Variants in TTC7A observed in about 807,000 individuals in gnomAD.
TTC7A encodes the protein tetratricopeptide repeat protein 7A.
TTC7A carries 110 observed loss-of-function variants against 103.7 expected under a neutral mutation model. That is an observed-to-expected ratio of 1.06 (90% CI 0.91 to 1.24). TTC7A has a LOEUF of 1.24. TTC7A is among the 50% of genes most tolerant of loss of function. TTC7A has a pLI of 0.00. For missense variants in TTC7A, 1,340 were observed against 1,116.3 expected (o/e 1.20, Z -2.86); for synonymous variants, 521 against 467.9 (o/e 1.11, Z -1.47).
At chr2:46,999,225 A>C (rs1676538596) in intron 8 of TTC7A, among the ~76,000 whole-genome samples, 1 of 149,764 alleles carries the variant, frequency 6.7e-6, no homozygotes, top group Admixed American at 6.6e-5. Context: ...CCGTCTACCC[A>C]CCCACCCACC....
intron 17 of TTC7A, chr2:47,050,762 G>A (rs1359990491): frequency 6.6e-6 from 1 of 152,232 alleles, no homozygotes; most frequent in African/African-American, 2.4e-5. Context: ...TGTATGCAGA[G>A]CTTCTGTCTC....
intron 15 of TTC7A, among the ~76,000 whole-genome samples, chr2:47,029,608 C>G (rs1289166677): frequency 6.6e-6 from 1 of 152,218 alleles, no homozygotes; most frequent in Non-Finnish European, 1.5e-5. Flanking sequence ...GGTGCACATG[C>G]TGCTCCTCAG....
At chr2:46,958,049 G>A (rs1265880298) in intron 3 of TTC7A, among the ~76,000 whole-genome samples, 3 of 152,102 alleles carry the variant, frequency 2.0e-5, no homozygotes, top group Non-Finnish European at 2.9e-5. Context: ...TCTGACTCTG[G>A]CCTTGGAGTG....
At position 47,060,933 on chromosome 2, in the gene TTC7A, A is replaced by G; in HGVS notation, c.2317A>G (p.Thr773Ala). 1 of 1,614,080 alleles carries G rather than the reference A, an allele frequency of 6.2e-7. No individual in the cohort carries two copies. The highest frequency in any genetic ancestry group is 8.5e-7 in the Non-Finnish European group (1 of 1,179,976). The change falls in exon 19 of 20, where the codon ACG becomes GCG. Residue 773 changes from threonine (T) to alanine (A), a missense_variant. Transcript: ENST00000319190. ...CAAGCAGCTGTACAAGGAGGCGCTCACGGTGAACCCAGATGGCGTGCGCAT... is the reference window on the plus strand; with the variant it reads ...CAAGCAGCTGTACAAGGAGGCGCTCGCGGTGAACCCAGATGGCGTGCGCAT... ...EAKQLYKEAL[T>A]VNPDGVRIMH...
intron 8 of TTC7A, chr2:46,999,986 T>G: frequency 1.1e-6 from 1 of 874,222 alleles, no homozygotes; most frequent in Non-Finnish European, 1.4e-6. Flanking sequence ...GAATTTACCA[T>G]TCACAATCTG....
chr2:46,940,291 T>G (rs1670219504), upstream of TTC7A, among the ~76,000 whole-genome samples: 1 of 152,198 alleles, frequency 6.6e-6, no homozygotes, highest in African/African-American at 2.4e-5. The surrounding 1 kb of genome is among the most constrained non-coding windows in gnomAD (Gnocchi z 4.7). Context: ...TGCTGTCTTT[T>G]GAGTCTTCAG....
At position 47,024,354 on chromosome 2, in the gene TTC7A, C is replaced by T. The variant is rs1206622757; in HGVS notation, c.1636C>T (p.Arg546Ter). 6.9e-6 allele frequency: 11 copies of T among 1,605,610 alleles called. No individual in the cohort carries two copies. Among genetic ancestry groups the T allele is most frequent in the Admixed American group, 3.4e-5 (2 of 59,168 alleles). ...LYVSLQLALV[R>*]QISSAMEQLQ... Reference sequence around the variant, plus strand: ...TGTCTCGCTGCAGCTGGCCCTCGTCCGACAGGTGGGTTGTCCGTGTTCCTA... The same window carrying T: ...TGTCTCGCTGCAGCTGGCCCTCGTCTGACAGGTGGGTTGTCCGTGTTCCTA... Residue 546 changes from arginine to a stop codon, truncating the protein, a stop_gained, in exon 14 of 20, where the codon CGA (arginine) becomes TGA (stop). Transcript: ENST00000319190. LOFTEE classifies it high-confidence loss of function.
At chr2:46,944,047 C>T (rs1388755807) in intron 1 of TTC7A, among the ~76,000 whole-genome samples, 3 of 152,094 alleles carry the variant, frequency 2.0e-5, no homozygotes, top group Non-Finnish European at 2.9e-5. Flanking sequence ...CACCACCCAA[C>T]CAGGGGTAAG....
chr2:47,016,744 G>A (rs1455634732), intron 11 of TTC7A, among the ~76,000 whole-genome samples: 2 of 152,238 alleles, frequency 1.3e-5, no homozygotes. Flanking sequence ...CCACAAGGAG[G>A]AAGTGTCTGG....
chr2:47,035,866 C>T (rs1459297140), intron 15 of TTC7A, among the ~76,000 whole-genome samples: 1 of 152,188 alleles, frequency 6.6e-6, no homozygotes, highest in East Asian at 1.9e-4. Flanking sequence ...GAGCTGACCT[C>T]TCCTCTGCAG....
At position 47,060,829 on chromosome 2, in the gene TTC7A, C is replaced by T. The variant is rs951901804; in HGVS notation, c.2213C>T (p.Ala738Val). 7 of 1,613,776 alleles carry T rather than the reference C, an allele frequency of 4.3e-6. No individual in the cohort carries two copies. In the South Asian group the frequency reaches 4.4e-5, roughly 10 times the overall value. ...KEAGFCIQEA[A>V]GLFPTSHSVL... is the part of the protein sequence containing the mutation. ...GCAGGTTTCTGCATCCAGGAGGCGG[C>T]GGGCCTCTTCCCCACTTCTCACTCA... Residue 738 changes from alanine (A) to valine (V), a missense_variant, in exon 19 of 20, where the codon GCG (alanine) becomes GTG (valine). Transcript: ENST00000319190.
At chr2:46,995,951 T>C (rs1676136726) in intron 8 of TTC7A, among the ~76,000 whole-genome samples, 1 of 152,264 alleles carries the variant, frequency 6.6e-6, no homozygotes, top group African/African-American at 2.4e-5. Flanking sequence ...CAAATCGTGC[T>C]AGACAAAGCA....
chr2:47,020,201 C>A (rs959055500), intron 11 of TTC7A, among the ~76,000 whole-genome samples: 1 of 152,176 alleles, frequency 6.6e-6, no homozygotes, highest in African/African-American at 2.4e-5. Flanking sequence ...CAGATGAGGA[C>A]CTTGGGACAC....
chr2:46,933,064 A>T (rs1669797036), intron 2 of TTC7A, among the ~76,000 whole-genome samples: 1 of 152,186 alleles, frequency 6.6e-6, no homozygotes. Flanking sequence ...GTGGGTTGGG[A>T]TGGCTTCTCT....
At chr2:47,006,390 T>G (rs1019060367) in intron 9 of TTC7A, among the ~76,000 whole-genome samples, 24 of 152,250 alleles carry the variant, frequency 1.6e-4, no homozygotes, top group African/African-American at 5.8e-4. Context: ...CTCTTTGCCA[T>G]CACCCTGTGA....
At position 47,053,983 on chromosome 2, in the gene TTC7A, G is replaced by T. The variant is rs188824159; in HGVS notation, c.2152+2103G>T. 6.5e-5 allele frequency: 26 copies of T among 397,076 alleles called. No individual in the cohort carries two copies. In the East Asian group the frequency reaches 3.3e-3, roughly 50 times the overall value. The allele number at this position is 397,076 out of a possible 1,614,324, so 24.6% of individuals were successfully genotyped here. On this transcript the variant is annotated intron_variant, in intron 18 of 19. Transcript: ENST00000319190. ...GCATGTGCTGATAACTCCAAGTAAG[G>T]TTAAAGGCCCTCCTGAAGCCAGTAA...
chr2:46,944,883 C>CTA (rs1303024776), intron 1 of TTC7A, among the ~76,000 whole-genome samples: 1 of 152,136 alleles, frequency 6.6e-6, no homozygotes, highest in Non-Finnish European at 1.5e-5. Context: ...ACCATTATTA[C>CTA]ACCTTACAAA....
chr2:46,942,771 C>G (rs111628471), intron 1 of TTC7A, among the ~76,000 whole-genome samples: 1 of 152,190 alleles, frequency 6.6e-6, no homozygotes, highest in Non-Finnish European at 1.5e-5. Flanking sequence ...GCACTATTAC[C>G]TCTCAAAGAT....
At chr2:46,917,966 C>A (rs1278432294) in intron 2 of TTC7A, among the ~76,000 whole-genome samples, 2 of 152,184 alleles carry the variant, frequency 1.3e-5, no homozygotes, top group East Asian at 3.8e-4. Flanking sequence ...TTCTGAGTCA[C>A]CTTCTCTATC....
Sources: gnomAD v4.1 joint callset for allele counts (sites outside exome capture counted in the v4.1 genomes callset) on GRCh38, gnomAD v4.1.1 for gene constraint, Gnocchi (gnomAD v3.1) non-coding constraint, MANE v1.5 for transcripts, NCBI Gene and HGNC (gene_info 2026-07-23, HGNC 2026-07-21) for gene names.